RPA2: variants seen among roughly 807,000 people sequenced by gnomAD.
RPA2 encodes the protein replication protein A2.
RPA2 carries 22 observed loss-of-function variants against 33.4 expected under a neutral mutation model. The observed-to-expected ratio is 0.66, with a 90% CI of 0.47 to 0.94. The LOEUF (loss-of-function observed/expected upper bound fraction) is 0.94. Among genes scored for constraint, RPA2 ranks in the 40% least tolerant of loss-of-function variants. The pLI is 0.00. For missense variants in RPA2, 279 were observed against 329.9 expected (o/e 0.85, Z 1.19); for synonymous variants, 109 against 114.9 (o/e 0.95, Z 0.33).
At chr1:27,911,013 T>G (rs776665918) in intron 2 of RPA2, among the ~76,000 whole-genome samples, 18 of 151,954 alleles carry the variant, frequency 1.2e-4, no homozygotes, top group Non-Finnish European at 1.8e-4. Context: ...GTCAGGAGTT[T>G]GAGACCAGCC....
intron 2 of RPA2, among the ~76,000 whole-genome samples, chr1:27,912,374 C>T (rs1005486748): frequency 5.3e-5 from 8 of 150,386 alleles, no homozygotes; most frequent in Admixed American, 4.6e-4. Flanking sequence ...CCAAATGCCA[C>T]CTCTAAAAAA....
At chr1:27,914,725 G>C (rs1557478698), upstream of RPA2, 170 of 1,572,646 alleles carry the variant, frequency 1.1e-4, 1 homozygote, top group South Asian at 1.9e-3. Context: ...TCTTTACGAA[G>C]GGCAAAACCC....
At position 27,894,201 on chromosome 1, in the gene RPA2, T is replaced by G. The variant is rs988966604; in HGVS notation, c.633+89A>C. The G allele has an allele frequency of 1.7e-5, 25 of 1,495,658 alleles. No homozygotes were observed. The African/African-American group carries it at 3.5e-4, about 21-fold the overall frequency. 92.6% of individuals were successfully genotyped at this position (1,495,658 alleles called of 1,614,324 possible). The stretch of plus-strand genomic sequence containing the variant: ...CTTTATAGAAAAGAAATGAACCAGG[T>G]ACTTAAACAGTCGTAGCTCATTAAG... On this transcript the variant is annotated intron_variant, in intron 7 of 8. Coordinates refer to ENST00000373912, the MANE Select transcript of RPA2 (RefSeq NM_002946.5).
intron 4 of RPA2, among the ~76,000 whole-genome samples, chr1:27,899,598 C>T (rs2089940855): frequency 6.6e-6 from 1 of 151,392 alleles, no homozygotes; most frequent in Admixed American, 6.6e-5. Context: ...AAGATCTCTA[C>T]CTCAACTCCT....
At chr1:27,912,631 C>T (rs146842963) in intron 2 of RPA2, among the ~76,000 whole-genome samples, 1 of 152,270 alleles carries the variant, frequency 6.6e-6, no homozygotes, top group East Asian at 1.9e-4. Context: ...CCTTACTCAT[C>T]AATTCTCAGA....
chr1:27,896,806 T>G (rs1163744506), intron 6 of RPA2, among the ~76,000 whole-genome samples, 199 bp downstream of exon 6: 1 of 152,138 alleles, frequency 6.6e-6, no homozygotes, highest in Non-Finnish European at 1.5e-5. Context: ...TCAGAGGAAC[T>G]CCTAATTCTG....
At chr1:27,895,655 C>T (rs913919936) in intron 6 of RPA2, among the ~76,000 whole-genome samples, 3 of 151,876 alleles carry the variant, frequency 2.0e-5, no homozygotes, top group Non-Finnish European at 2.9e-5. Context: ...GGCGTGAACC[C>T]GGGAGGCGGA....
At chr1:27,907,148 G>C in intron 3 of RPA2, 33 bp downstream of exon 3, 1 of 1,594,732 alleles carries the variant, frequency 6.3e-7, no homozygotes, top group Non-Finnish European at 8.6e-7. Flanking sequence ...TTTATTATGA[G>C]TAAGTGATTC....
intron 4 of RPA2, among the ~76,000 whole-genome samples, chr1:27,901,650 C>T (rs1165661557): frequency 2.0e-5 from 3 of 151,952 alleles, no homozygotes; most frequent in East Asian, 1.9e-4. Flanking sequence ...CGTGAGCCAC[C>T]GCGCCCAGCC....
At position 27,894,059 on chromosome 1, in the gene RPA2, A is replaced by G. The variant is rs1439587176; in HGVS notation, c.681T>C (p.Phe227=). 3.7e-6 allele frequency: 6 copies of G among 1,614,030 alleles called. No individual in the cohort carries two copies. Among genetic ancestry groups the G allele is most frequent in the Non-Finnish European group, 5.1e-6 (6 of 1,180,016 alleles). ...KACPRPEGLN[F]QDLKNQLKHM... ...GTTTCAGCTGGTTCTTGAGATCCTGAAAGTTCAACCCTTCAGGTCTTGGAC... is the reference window on the plus strand; with the variant it reads ...GTTTCAGCTGGTTCTTGAGATCCTGGAAGTTCAACCCTTCAGGTCTTGGAC... Residue 227 remains phenylalanine, a synonymous_variant, in exon 8 of 9, where the codon TTT becomes TTC. Transcript: ENST00000373912.
rs2089909317 is a variant in RPA2, at chr1:27,897,627, C to T, written c.408+6G>A. ...CACTTTAACTGTTATTTTATTCTGA[C>T]TTTACCTGAAAAGATCTCAGGTGGC... On this transcript the variant is annotated splice_donor_region_variant and intron_variant, in intron 5 of 8. Transcript: ENST00000373912. 1 of 1,592,964 alleles carries T rather than the reference C, an allele frequency of 6.3e-7. No individual in the cohort carries two copies. The highest frequency in any genetic ancestry group is 1.7e-5 in the Admixed American group (1 of 57,452).
Position 27,897,696 on chromosome 1 carries a change from A to C in RPA2, c.345T>G (p.Ser115Arg). The change falls in exon 5 of 9, where the codon AGT becomes AGG. Residue 115 changes from serine (S) to arginine (R), a missense_variant. This residue lies in a region of RPA2 where 274 missense variants were observed against 310.3 expected (regional missense o/e 0.88). Coordinates refer to ENST00000373912, the MANE Select transcript of RPA2 (RefSeq NM_002946.5). ...TTTCTGGAGGAACCACAGTGTTTTC[A>C]CTGCTGGTGTCCTAACATAAAATAC... ...RQWVDTDDTSSENTVVPPETY... is the reference protein window; with the variant it reads ...RQWVDTDDTSRENTVVPPETY... 1 of 1,596,668 alleles carries C rather than the reference A, an allele frequency of 6.3e-7. No homozygotes were observed. The highest frequency in any genetic ancestry group is 1.2e-5 in the South Asian group (1 of 86,826).
intron 4 of RPA2, 81 bp from the exon 5 acceptor site, chr1:27,897,788 A>G: frequency 9.9e-7 from 1 of 1,013,386 alleles, no homozygotes; most frequent in Non-Finnish European, 1.4e-6. Context: ...TTATGTATAG[A>G]AAGAGAAAGT....
At chr1:27,892,933 AGTTT>A (rs1424654263) in intron 8 of RPA2, among the ~76,000 whole-genome samples, 2 of 152,200 alleles carry the variant, frequency 1.3e-5, no homozygotes, top group Non-Finnish European at 2.9e-5. Context: ...ACCATAAGTC[AGTTT>A]GTTTGATTGG....
At chr1:27,903,962 C>G (rs1000205853) in intron 4 of RPA2, among the ~76,000 whole-genome samples, 1 of 150,574 alleles carries the variant, frequency 6.6e-6, no homozygotes, top group African/African-American at 2.4e-5. Context: ...GTTGGGAGTT[C>G]GAGACCACCC....
At chr1:27,905,208 G>A (rs948820706) in intron 4 of RPA2, among the ~76,000 whole-genome samples, 10 of 152,120 alleles carry the variant, frequency 6.6e-5, no homozygotes, top group African/African-American at 2.2e-4. Flanking sequence ...GGCAATACAC[G>A]CTTTTCTGTA....
chr1:27,913,911 C>G, intron 2 of RPA2, 152 bp downstream of exon 2: 1 of 768,048 alleles, frequency 1.3e-6, no homozygotes, highest in South Asian at 3.2e-5. Flanking sequence ...CTGAAACTTA[C>G]AGCACTTAAT....
At chr1:27,913,554 C>T (rs2090127657) in intron 2 of RPA2, among the ~76,000 whole-genome samples, 1 of 150,506 alleles carries the variant, frequency 6.6e-6, no homozygotes, top group Admixed American at 6.6e-5. Flanking sequence ...CGCCATTGCA[C>T]TCCAGCCTGG....
chr1:27,899,021 A>C (rs2089928452), intron 4 of RPA2, among the ~76,000 whole-genome samples: 1 of 152,172 alleles, frequency 6.6e-6, no homozygotes, highest in Non-Finnish European at 1.5e-5. Flanking sequence ...CAGCCTGGGC[A>C]ACATAGTGAG....
Sources: allele counts gnomAD v4.1 joint callset (sites outside exome capture counted in the v4.1 genomes callset), GRCh38; gene constraint gnomAD v4.1.1; regional missense constraint gnomAD v4.1.1; transcripts MANE v1.5; gene names NCBI Gene and HGNC (gene_info 2026-07-23, HGNC 2026-07-21).